The following CREB1 variants were observed in gnomAD, a reference collection of about 807,000 sequenced individuals.
The protein encoded by CREB1 is cAMP responsive element binding protein 1.
In CREB1, 2 loss-of-function variants were observed where a neutral mutation model predicts 42.0. The ratio of observed to expected loss-of-function variants is 0.05; its 90% CI spans 0.02 to 0.15. The LOEUF is 0.15. Ranked by LOEUF, CREB1 falls within the 10% of genes least tolerant of loss-of-function variation. CREB1 has a pLI of 1.00. For missense variants in CREB1, 199 were observed against 388.9 expected, an observed-to-expected ratio of 0.51 and a Z score of 4.11; for synonymous variants, 123 against 139.9, an observed-to-expected ratio of 0.88 and a Z score of 0.85.
At chr2:207,535,793 T>TA (rs1460785610) in intron 1 of CREB1, among the ~76,000 whole-genome samples, 7 of 78,578 alleles carry the variant, frequency 8.9e-5, no homozygotes, top group Non-Finnish European at 1.4e-4. Context: ...CTACAATACT[T>TA]TTTTATTTAT....
In CREB1 at chr2:207,604,843, T is replaced by C. The variant is rs1452515045; in HGVS notation, c.*7785T>C. 6.6e-6 allele frequency among the ~76,000 whole-genome samples: 1 copy of C among 152,250 alleles called. No individual in the cohort carries two copies. Among genetic ancestry groups the C allele is most frequent in the African/African-American group, 2.4e-5 (1 of 41,462 alleles). On this transcript the variant is annotated 3_prime_UTR_variant, in exon 8 of 8. Coordinates refer to ENST00000353267, the MANE Select transcript of CREB1 (RefSeq NM_004379.5). ...TGAGACTCATACACTGTGTATTACT[T>C]CTTTCGTCTAGCTTTAATGTGTTGT...
intron 1 of CREB1, among the ~76,000 whole-genome samples, chr2:207,549,543 T>C (rs2081420182): frequency 6.6e-6 from 1 of 152,168 alleles, no homozygotes; most frequent in Non-Finnish European, 1.5e-5. Flanking sequence ...TATAACACTT[T>C]AGAAAATTAA....
At chr2:207,576,241 C>CTTTTTTTTTTTTTTTTTTTTT (rs35735523) in intron 6 of CREB1, among the ~76,000 whole-genome samples, 14 of 101,074 alleles carry the variant, frequency 1.4e-4, no homozygotes, top group Non-Finnish European at 1.5e-4. Flanking sequence ...CTTTTTTTGG[C>CTTTTTTTTTTTTTTTTTTTTT]TTTTTTTTTT....
In CREB1 at chr2:207,581,689, C is replaced by T; in HGVS notation, c.839+4034C>T. 10 of 537,866 alleles carry T rather than the reference C, an allele frequency of 1.9e-5. No individual in the cohort carries two copies. In the South Asian group the frequency reaches 2.5e-4, roughly 13 times the overall value. 33.3% of individuals were successfully genotyped at this position (537,866 alleles called of 1,614,324 possible). A position where few individuals can be genotyped will look rare whatever the true frequency, so the allele number is the denominator to read the frequency against. ...TACCCTTCATCCAGCTTTCTCTAATCTTAGTATATTACATAACCAGGGTAC... is the reference window on the plus strand; with the variant it reads ...TACCCTTCATCCAGCTTTCTCTAATTTTAGTATATTACATAACCAGGGTAC... On this transcript the variant is annotated intron_variant, in intron 7 of 7. Coordinates refer to ENST00000353267, the MANE Select transcript of CREB1 (RefSeq NM_004379.5).
At position 207,577,667 on chromosome 2, in the gene CREB1, G is replaced by C. The variant is rs759277640; in HGVS notation, c.839+12G>C. On this transcript the variant is annotated intron_variant, in intron 7 of 7. Coordinates refer to ENST00000353267, the MANE Select transcript of CREB1 (RefSeq NM_004379.5). ...CTAATGAAGAACAGGTACAAATACT[G>C]CATTTACTTAGATTGTTATGTGTTA... 1.2e-6 allele frequency: 2 copies of C among 1,613,134 alleles called. No homozygotes were observed. The highest frequency in any genetic ancestry group is 2.2e-5 in the South Asian group (2 of 91,032).
At chr2:207,570,068 T>G in intron 4 of CREB1, 111 bp from the exon 5 acceptor site, 1 of 549,288 alleles carries the variant, frequency 1.8e-6, no homozygotes, top group Non-Finnish European at 3.0e-6. Flanking sequence ...AAAAACCTTC[T>G]GTCCTAAGCA....
At chr2:207,589,088 T>C (rs1056493003) in intron 7 of CREB1, among the ~76,000 whole-genome samples, 1 of 152,142 alleles carries the variant, frequency 6.6e-6, no homozygotes, top group African/African-American at 2.4e-5. Flanking sequence ...GGGGGTGTAT[T>C]AGTTTTCTAT....
intron 6 of CREB1, chr2:207,576,646 A>T: frequency 7.7e-7 from 1 of 1,293,168 alleles, no homozygotes; most frequent in East Asian, 4.5e-5. Context: ...CAAAAATTGT[A>T]AAGCAGGATG....
intron 1 of CREB1, among the ~76,000 whole-genome samples, chr2:207,538,733 T>C (rs1218432028): frequency 2.0e-5 from 3 of 152,220 alleles, no homozygotes; most frequent in East Asian, 3.8e-4. Context: ...AGTTGACTTA[T>C]ACCAATGATG....
chr2:207,572,897 C>T lies in CREB1; in HGVS notation c.506-2375C>T, dbSNP rs936276675. ...CCAGGTGGAGGCATGAATTTCCACT[C>T]CTTCCTTAAATTGGTTATTTTATTA... On this transcript the variant is annotated intron_variant, in intron 5 of 7. Transcript: ENST00000353267. 2.0e-5 allele frequency among the ~76,000 whole-genome samples: 3 copies of T among 151,638 alleles called. No individual in the cohort carries two copies. The East Asian group carries it at 5.8e-4, about 29-fold the overall frequency.
Position 207,600,015 on chromosome 2 carries a change from T to G in CREB1, c.*2957T>G, listed in dbSNP as rs1250626752. ...AGTGGGGAGGGGTTTATTTTTGATA[T>G]ATTACTCTTATGAGTTTTCAAGCTT... is the stretch of plus-strand genomic sequence containing the variant. On this transcript the variant is annotated 3_prime_UTR_variant, in exon 8 of 8. Transcript: ENST00000353267. 3 of 189,854 alleles carry G rather than the reference T, an allele frequency of 1.6e-5. No homozygotes were observed. The highest frequency in any genetic ancestry group is 3.3e-5 in the Non-Finnish European group (3 of 90,522). The allele number at this position is 189,854 out of a possible 1,614,324, so 11.8% of individuals were successfully genotyped here.
chr2:207,582,907 A>G, intron 7 of CREB1: 1 of 266,942 alleles, frequency 3.7e-6, no homozygotes. Flanking sequence ...ACAAACAAAC[A>G]AACAAAAAAA....
chr2:207,552,681 C>T (rs549431400), intron 1 of CREB1, among the ~76,000 whole-genome samples: 1 of 150,280 alleles, frequency 6.7e-6, no homozygotes, highest in South Asian at 2.1e-4. Context: ...TCTCGGCTTA[C>T]TACAACCTCC....
chr2:207,556,416 T>TA (rs1346214884), intron 2 of CREB1, among the ~76,000 whole-genome samples: 1 of 152,200 alleles, frequency 6.6e-6, no homozygotes, highest in Non-Finnish European at 1.5e-5. Context: ...ACCTGCTAGG[T>TA]AATAGTGTGA....
intron 1 of CREB1, among the ~76,000 whole-genome samples, chr2:207,534,855 G>A (rs929211530): frequency 6.6e-6 from 1 of 152,064 alleles, no homozygotes; most frequent in Non-Finnish European, 1.5e-5. Flanking sequence ...ATGCAAACAC[G>A]AGCAAATATG....
At chr2:207,538,955 A>T (rs769174548) in intron 1 of CREB1, among the ~76,000 whole-genome samples, 4 of 152,158 alleles carry the variant, frequency 2.6e-5, no homozygotes, top group African/African-American at 9.7e-5. Context: ...CTGTTGGTAT[A>T]AGTAAGTAGT....
intron 7 of CREB1, among the ~76,000 whole-genome samples, chr2:207,580,464 G>T (rs1230823526): frequency 6.6e-6 from 1 of 152,140 alleles, no homozygotes; most frequent in Non-Finnish European, 1.5e-5. Flanking sequence ...TGGTTTTGCT[G>T]CACCCCCAGA....
chr2:207,550,838 GAAC>G (rs2081476094), intron 1 of CREB1, among the ~76,000 whole-genome samples: 1 of 152,140 alleles, frequency 6.6e-6, no homozygotes, highest in Non-Finnish European at 1.5e-5. Flanking sequence ...CTTGTACTGA[GAAC>G]CTCCAACCTT....
chr2:207,567,816 T>A, intron 4 of CREB1: 2 of 261,136 alleles, frequency 7.7e-6, no homozygotes, highest in Middle Eastern at 1.3e-3. Flanking sequence ...GTCTTTCTGT[T>A]AAAAGTTTGG....
Sources: allele counts gnomAD v4.1 joint callset (sites outside exome capture counted in the v4.1 genomes callset), GRCh38; gene constraint gnomAD v4.1.1; transcripts MANE v1.5; gene names NCBI Gene and HGNC (gene_info 2026-07-23, HGNC 2026-07-21).